PCDHA7: variants seen among roughly 807,000 people sequenced by gnomAD.
The protein encoded by PCDHA7 is protocadherin alpha 7.
Under a neutral mutation model 57.2 loss-of-function variants are expected in PCDHA7, and 37 were observed. The observed-to-expected ratio is 0.65, with a 90% confidence interval of 0.50 to 0.85. The LOEUF (loss-of-function observed/expected upper bound fraction) is 0.85, where lower values mean the gene tolerates loss of function less well. PCDHA7 is among the 40% of genes least tolerant of loss of function. PCDHA7 has a pLI of 0.00. For missense variants in PCDHA7, 1,188 were observed against 1,241.8 expected, an observed-to-expected ratio of 0.96 and a Z score of 0.65; for synonymous variants, 553 against 558.8, an observed-to-expected ratio of 0.99 and a Z score of 0.15.
chr5:140,989,788 G>GC (rs1331311072), intron 3 of PCDHA7, among the ~76,000 whole-genome samples: 30 of 152,276 alleles, frequency 2.0e-4, no homozygotes, highest in African/African-American at 4.6e-4. Context: ...GAGACTAGAG[G>GC]CCCCCAGGAA....
intron 1 of PCDHA7, chr5:140,841,516 G>T: frequency 6.2e-7 from 1 of 1,612,986 alleles, no homozygotes; most frequent in South Asian, 1.1e-5. Flanking sequence ...GCCTGTTCCG[G>T]GTGGCGTCCA....
intron 1 of PCDHA7, chr5:140,850,802 C>T: frequency 6.3e-7 from 1 of 1,598,420 alleles, no homozygotes; most frequent in Non-Finnish European, 8.6e-7. Flanking sequence ...AGACCGACCT[C>T]ATGGCCTTCA....
intron 1 of PCDHA7, among the ~76,000 whole-genome samples, chr5:140,972,775 T>C (rs1277210789): frequency 6.6e-6 from 1 of 151,656 alleles, no homozygotes; most frequent in Non-Finnish European, 1.5e-5. Context: ...GTGATTCTTC[T>C]GCCTCAGCCT....
chr5:140,963,529 C>T (rs1332936829), intron 1 of PCDHA7, among the ~76,000 whole-genome samples: 1 of 152,176 alleles, frequency 6.6e-6, no homozygotes, highest in Non-Finnish European at 1.5e-5. Flanking sequence ...ACAGAAGTCC[C>T]ATTTACTTCA....
intron 1 of PCDHA7, among the ~76,000 whole-genome samples, chr5:140,921,875 A>G (rs1414785128): frequency 6.6e-6 from 1 of 152,118 alleles, no homozygotes; most frequent in Non-Finnish European, 1.5e-5. Flanking sequence ...CAGTATATAT[A>G]TAAGATTTTA....
In PCDHA7 at chr5:140,986,535, G is replaced by A. The variant is rs552843991; in HGVS notation, c.2503+3972G>A. Among the ~76,000 whole-genome samples, 134 of 152,300 alleles carry A rather than the reference G, an allele frequency of 8.8e-4. 1 individual carries two copies. Among genetic ancestry groups the A allele is most frequent in the Non-Finnish European group, 1.4e-3 (98 of 68,024 alleles). Reference sequence around the variant, plus strand: ...CCCTGCCTGTGAGGGAACTGGCCTGGCTTCAGTGGGCCAGGCTGCTTTGTT... The same window carrying A: ...CCCTGCCTGTGAGGGAACTGGCCTGACTTCAGTGGGCCAGGCTGCTTTGTT... On this transcript the variant is annotated intron_variant, in intron 3 of 3. Transcript: ENST00000525929.
chr5:141,010,006 T>C lies in PCDHA7; in HGVS notation c.*69T>C. The stretch of plus-strand genomic sequence containing the variant: ...ATGGCAAATCTCTCCCATGTAGCAA[T>C]TCCCTGCTCCTTTTTCCTATCTACA... On this transcript the variant is annotated 3_prime_UTR_variant, in exon 4 of 4. Transcript: ENST00000525929. 1 of 1,572,424 alleles carries C rather than the reference T, an allele frequency of 6.4e-7. No individual in the cohort carries two copies. Among genetic ancestry groups the C allele is most frequent in the Non-Finnish European group, 8.6e-7 (1 of 1,163,442 alleles).
intron 1 of PCDHA7, among the ~76,000 whole-genome samples, chr5:140,960,268 C>T (rs909300103): frequency 3.3e-5 from 5 of 152,222 alleles, no homozygotes; most frequent in African/African-American, 7.2e-5. Context: ...TGATAAATTC[C>T]GTCACCTTTT....
At chr5:140,861,267 A>G (rs1251447795) in intron 1 of PCDHA7, 4 of 174,546 alleles carry the variant, frequency 2.3e-5, no homozygotes, top group African/African-American at 9.5e-5. Context: ...CGGAGCCTAC[A>G]GCACTGGCTT....
Position 140,849,058 on chromosome 5 carries a change from A to G in PCDHA7, c.2355+12320A>G, listed in dbSNP as rs2150429611. 41 of 1,550,890 alleles carry G rather than the reference A, an allele frequency of 2.6e-5. 1 individual carries two copies. Among genetic ancestry groups the G allele is most frequent in the Non-Finnish European group, 3.6e-5 (41 of 1,140,546 alleles). On this transcript the variant is annotated intron_variant, in intron 1 of 3. Coordinates refer to ENST00000525929, the MANE Select transcript of PCDHA7 (RefSeq NM_018910.3). ...CTGGACGTGCCAACCAGCAACCAGCAGGTAAAACCTCTTGGACTTGTATTA... is the reference window on the plus strand; with the variant it reads ...CTGGACGTGCCAACCAGCAACCAGCGGGTAAAACCTCTTGGACTTGTATTA...
At chr5:140,951,403 G>A (rs62384504) in intron 1 of PCDHA7, among the ~76,000 whole-genome samples, 5,903 of 152,130 alleles carry the variant, frequency 0.039, 173 homozygotes, top group Non-Finnish European at 0.058. Flanking sequence ...AAGAAAAGAG[G>A]TTTAATTGGC....
chr5:140,900,831 T>G (rs1554189475), intron 1 of PCDHA7, among the ~76,000 whole-genome samples: 1 of 152,198 alleles, frequency 6.6e-6, no homozygotes, highest in Non-Finnish European at 1.5e-5. Context: ...CCACCAACAA[T>G]GTACAAAGTT....
At chr5:140,869,790 A>G (rs782009264) in intron 1 of PCDHA7, 4 of 1,612,954 alleles carry the variant, frequency 2.5e-6, no homozygotes, top group African/African-American at 1.3e-5. Context: ...TTCGGCTGTT[A>G]GTCCAAGTCT....
Position 140,836,137 on chromosome 5 carries a change from TG to T in PCDHA7, c.1757del (p.Gly586AlafsTer52). 1 of 1,613,712 alleles carries T rather than the reference TG, an allele frequency of 6.2e-7. No homozygotes were observed. Among genetic ancestry groups the T allele is most frequent in the Non-Finnish European group, 8.5e-7 (1 of 1,179,778 alleles). ...GAVRELVPRS[V>X]GAGHVVAKVR... ...GTGAGAGAGCTTGTGCCGCGGTCTG[TG>T]GGCGCGGGCCATGTGGTGGCGAAGG... On this transcript the variant is annotated frameshift_variant, in exon 1 of 4. Transcript: ENST00000525929. LOFTEE classifies it high-confidence loss of function.
Position 140,836,196 on chromosome 5 carries a change from G to C in PCDHA7, c.1813G>C (p.Ala605Pro). The C allele has an allele frequency of 6.2e-6, 10 of 1,613,832 alleles. 1 individual carries two copies. The highest frequency in any genetic ancestry group is 8.5e-6 in the Non-Finnish European group (10 of 1,179,816). The change falls in exon 1 of 4, where the codon GCG becomes CCG. Residue 605 changes from alanine (A) to proline (P), a missense_variant. This residue lies in a region of PCDHA7 where 892 missense variants were observed against 788.5 expected (regional missense o/e 1.13). Transcript: ENST00000525929. ...RAVDADSGYNAWLSYELQPVA... is the reference protein window; with the variant it reads ...RAVDADSGYNPWLSYELQPVA... ...AGTTGACGCTGACTCAGGCTACAAC[G>C]CGTGGCTTTCGTATGAGTTGCAACC...
At chr5:140,974,799 A>G (rs116037205) in intron 1 of PCDHA7, among the ~76,000 whole-genome samples, 2 of 152,294 alleles carry the variant, frequency 1.3e-5, no homozygotes, top group African/African-American at 2.4e-5. Context: ...TCATTTTGAT[A>G]TACTAGAAGA....
intron 1 of PCDHA7, chr5:140,849,923 G>A (rs145904051): frequency 6.3e-7 from 1 of 1,598,322 alleles, no homozygotes; most frequent in Middle Eastern, 1.7e-4. Context: ...ACATCTTCAC[G>A]GTGTCTGCGC....
intron 1 of PCDHA7, among the ~76,000 whole-genome samples, chr5:140,952,338 CAAAA>C (rs55931446): frequency 9.9e-4 from 134 of 134,976 alleles, no homozygotes; most frequent in Admixed American, 2.2e-3. Context: ...AACTCCATCT[CAAAA>C]AAAAAAAAAA....
At chr5:140,928,374 C>A in intron 1 of PCDHA7, 1 of 1,614,172 alleles carries the variant, frequency 6.2e-7, no homozygotes, top group Non-Finnish European at 8.5e-7. Context: ...GGCCATCAGC[C>A]TCTAGCTTGC....
Sources: allele counts gnomAD v4.1 joint callset (sites outside exome capture counted in the v4.1 genomes callset), GRCh38; gene constraint gnomAD v4.1.1; regional missense constraint gnomAD v4.1.1; transcripts MANE v1.5; gene names NCBI Gene and HGNC (gene_info 2026-07-23, HGNC 2026-07-21).